APIP: variants seen among roughly 807,000 people sequenced by gnomAD.
APIP encodes the protein methylthioribulose-1-phosphate dehydratase.
Under a neutral mutation model 32.0 loss-of-function variants are expected in APIP, and 32 were observed. The ratio of observed to expected loss-of-function variants is 1.00; its 90% CI spans 0.76 to 1.34. APIP has a LOEUF of 1.34. Ranked by LOEUF, APIP falls within the 40% of genes most tolerant of loss-of-function variation. The probability of loss-of-function intolerance (pLI) is 0.00; values close to 1 mark genes in which losing one functional copy is unlikely to be tolerated. For synonymous variants in APIP, 92 were observed against 94.8 expected (o/e 0.97, Z 0.17); for missense variants, 247 against 298.6 (o/e 0.83, Z 1.27).
chr11:34,913,532 G>A (rs887916911), intron 1 of APIP, among the ~76,000 whole-genome samples: 2 of 152,196 alleles, frequency 1.3e-5, no homozygotes, highest in African/African-American at 4.8e-5. Context: ...CTCCCGGTGG[G>A]TTCATGGTCT....
intron 2 of APIP, among the ~76,000 whole-genome samples, chr11:34,893,754 C>G (rs1382863862): frequency 6.6e-6 from 1 of 152,130 alleles, no homozygotes; most frequent in Non-Finnish European, 1.5e-5. Flanking sequence ...TGAGTTAACT[C>G]AGTAATTTAA....
chr11:34,907,000 G>A (rs946515244), intron 1 of APIP, among the ~76,000 whole-genome samples: 3 of 152,270 alleles, frequency 2.0e-5, no homozygotes, highest in Admixed American at 1.3e-4. Flanking sequence ...CCATTCTTCC[G>A]AGGACCCTTA....
At chr11:34,889,428 G>A (rs1337253393) in intron 3 of APIP, among the ~76,000 whole-genome samples, 1 of 151,586 alleles carries the variant, frequency 6.6e-6, no homozygotes, top group Non-Finnish European at 1.5e-5. Context: ...ATCTCAATAA[G>A]GTATATTCTT....
intron 5 of APIP, among the ~76,000 whole-genome samples, chr11:34,887,651 G>A (rs1035763207): frequency 6.6e-5 from 10 of 152,172 alleles, no homozygotes; most frequent in South Asian, 2.1e-4. Flanking sequence ...GTTCAGGAAT[G>A]AGAATGCTAA....
chr11:34,901,669 G>C (rs2985381), intron 1 of APIP, among the ~76,000 whole-genome samples: 90,462 of 152,002 alleles, frequency 0.6, 28,123 homozygotes, highest in East Asian at 0.74. Context: ...AATCATGGCT[G>C]AAAGTCCTGC....
chr11:34,901,090 C>T (rs902939490), intron 1 of APIP, among the ~76,000 whole-genome samples: 8 of 152,044 alleles, frequency 5.3e-5, no homozygotes, highest in South Asian at 2.1e-4. Context: ...AAAGCCACTT[C>T]GGTCTTTTAC....
intron 1 of APIP, among the ~76,000 whole-genome samples, chr11:34,910,397 AT>A (rs1222152973): frequency 6.6e-6 from 1 of 152,208 alleles, no homozygotes; most frequent in Non-Finnish European, 1.5e-5. Context: ...TAGTGTTGCT[AT>A]AAAGAAGGGC....
chr11:34,893,430 T>C (rs1019399202), intron 2 of APIP, among the ~76,000 whole-genome samples: 6 of 152,226 alleles, frequency 3.9e-5, no homozygotes, highest in African/African-American at 1.4e-4. Context: ...TTATAAATAA[T>C]ACAGTTGGGA....
At chr11:34,895,819 A>G (rs1853260102) in intron 1 of APIP, among the ~76,000 whole-genome samples, 1 of 152,086 alleles carries the variant, frequency 6.6e-6, no homozygotes, top group Non-Finnish European at 1.5e-5. Flanking sequence ...AAAAGAGCCC[A>G]CACCATTTTC....
chr11:34,894,483 A>C (rs1475930288), intron 2 of APIP, among the ~76,000 whole-genome samples: 1 of 151,140 alleles, frequency 6.6e-6, no homozygotes, highest in African/African-American at 2.4e-5. Context: ...AAAAAAAAAA[A>C]AAAACCCCAG....
chr11:34,894,404 GTGGGT>G (rs1049173128), intron 2 of APIP, among the ~76,000 whole-genome samples: 4 of 150,466 alleles, frequency 2.7e-5, no homozygotes, highest in Admixed American at 2.0e-4. Flanking sequence ...GTCAAGGCAG[GTGGGT>G]TGCTTGAGCC....
In APIP at chr11:34,894,605, C is replaced by T. The variant is rs568291857; in HGVS notation, c.158+405G>A. On this transcript the variant is annotated intron_variant, in intron 2 of 6. Coordinates refer to ENST00000395787, the MANE Select transcript of APIP (RefSeq NM_015957.4). Reference sequence around the variant, plus strand: ...TCAAGGCTGCAGTGAGCCATGATCGCCCCACTGCACTCCAGCCTGGGTGAC... The same window carrying T: ...TCAAGGCTGCAGTGAGCCATGATCGTCCCACTGCACTCCAGCCTGGGTGAC... 2.0e-5 allele frequency among the ~76,000 whole-genome samples: 3 copies of T among 152,110 alleles called. No homozygotes were observed. The East Asian group carries it at 5.8e-4, about 29-fold the overall frequency.
At chr11:34,914,364 TAC>T in intron 1 of APIP, among the ~76,000 whole-genome samples, 1 of 152,318 alleles carries the variant, frequency 6.6e-6, no homozygotes, top group East Asian at 1.9e-4. Flanking sequence ...ATTAATCACT[TAC>T]AGTTGAACAT....
rs865792872 is a variant in APIP at position 34,911,881 on chromosome 11, C to T, written c.57+4347G>A. 3.9e-5 allele frequency among the ~76,000 whole-genome samples: 6 copies of T among 152,220 alleles called. No individual in the cohort carries two copies. In the Middle Eastern group the frequency reaches 0.01, roughly 259 times the overall value. ...ATCCCCTAATGGAACTTCATCCTTT[C>T]CCCCCATGCCCCACTGCCCATTACT... On this transcript the variant is annotated intron_variant, in intron 1 of 6. Coordinates refer to ENST00000395787, the MANE Select transcript of APIP (RefSeq NM_015957.4).
At chr11:34,908,735 A>G (rs1291016958) in intron 1 of APIP, among the ~76,000 whole-genome samples, 1 of 152,198 alleles carries the variant, frequency 6.6e-6, no homozygotes, top group African/African-American at 2.4e-5. Context: ...GGTATTTCTT[A>G]TATCTGTCTT....
At chr11:34,892,904 TTAAG>T (rs1853204843) in intron 2 of APIP, among the ~76,000 whole-genome samples, 1 of 152,168 alleles carries the variant, frequency 6.6e-6, no homozygotes, top group East Asian at 1.9e-4. Flanking sequence ...TAGTGACTTA[TTAAG>T]TCATTTAAAT....
rs11032915 is a variant in APIP, at chr11:34,888,740, T to C, written c.325+12A>G. 1.9e-3 allele frequency: 2,843 copies of C among 1,494,480 alleles called. 49 individuals carry two copies. In the African/African-American group the frequency reaches 0.037, roughly 19 times the overall value. 92.6% of individuals were successfully genotyped at this position (1,494,480 alleles called of 1,614,324 possible). ...GCAAATATTCTTTATGTTGAATATA[T>C]TTTCTGCATACCTCTCATTGTGTAA... On this transcript the variant is annotated intron_variant, in intron 4 of 6. Transcript: ENST00000395787.
intron 1 of APIP, among the ~76,000 whole-genome samples, chr11:34,913,305 G>A (rs1253044108): frequency 9.2e-5 from 14 of 152,310 alleles, no homozygotes; most frequent in African/African-American, 2.6e-4. Context: ...GTTCCTTCCC[G>A]TGGGTTCTTG....
Position 34,916,068 on chromosome 11 carries a change from A to C in APIP, c.57+160T>G. On this transcript the variant is annotated intron_variant, in intron 1 of 6. Coordinates refer to ENST00000395787, the MANE Select transcript of APIP (RefSeq NM_015957.4). The stretch of plus-strand genomic sequence containing the variant: ...TGGGGCCTCGCAGCCTTGCTTCCGA[A>C]CGCCAAGGTCGCGGTGCGCCGGGGT... 3.1e-6 allele frequency: 3 copies of C among 953,254 alleles called. No homozygotes were observed. The South Asian group carries it at 5.2e-5, about 17-fold the overall frequency. 59.0% of individuals were successfully genotyped at this position (953,254 alleles called of 1,614,324 possible).
Sources: allele counts gnomAD v4.1 joint callset (sites outside exome capture counted in the v4.1 genomes callset), GRCh38; gene constraint gnomAD v4.1.1; transcripts MANE v1.5; gene names NCBI Gene and HGNC (gene_info 2026-07-23, HGNC 2026-07-21).